The following QPRT variants were observed in gnomAD, a reference collection of about 807,000 sequenced individuals.
QPRT encodes nicotinate-nucleotide pyrophosphorylase [carboxylating].
QPRT carries 17 observed loss-of-function variants against 19.8 expected under a neutral mutation model. The observed-to-expected ratio is 0.86, with a 90% CI of 0.59 to 1.29. The LOEUF (loss-of-function observed/expected upper bound fraction) is 1.29. QPRT is among the 50% of genes most tolerant of loss of function. The pLI, the probability that QPRT is intolerant of heterozygous loss-of-function variation, is 0.00. For synonymous variants in QPRT, 178 were observed against 191.0 expected, an observed-to-expected ratio of 0.93 and a Z score of 0.56; for missense variants, 336 against 405.1, an observed-to-expected ratio of 0.83 and a Z score of 1.46.
intron 1 of QPRT, among the ~76,000 whole-genome samples, chr16:29,684,849 G>A (rs953768926): frequency 1.8e-4 from 27 of 152,338 alleles, no homozygotes; most frequent in African/African-American, 6.5e-4. Flanking sequence ...TGTGAAATGG[G>A]AAGAATCCCT....
In QPRT at chr16:29,695,122, G is replaced by A. The variant is rs772976077; in HGVS notation, c.472G>A (p.Ala158Thr). 5 of 1,592,140 alleles carry A rather than the reference G, an allele frequency of 3.1e-6. No individual in the cohort carries two copies. The highest frequency in any genetic ancestry group is 3.6e-5 in the Admixed American group (2 of 54,968). Residue 158 changes from alanine to threonine, a missense_variant, in exon 2 of 4, where the codon GCC becomes ACC. Ala to Thr is a moderately conservative substitution (Grantham distance 58). Transcript: ENST00000395384. ...GTATGGGCTCCTGGTGGGCGGGGCC[G>A]CCTCGCACCGCTACGACCTGGGAGG... ...EKYGLLVGGA[A>T]SHRYDLGGLV... is the part of the protein sequence containing the mutation.
chr16:29,683,068 A>T (rs148320072), intron 1 of QPRT, among the ~76,000 whole-genome samples: 48,967 of 147,378 alleles, frequency 0.33, 8,863 homozygotes, highest in Middle Eastern at 0.49. Context: ...TCTGTTGCCC[A>T]GGCTGGAGTG....
intron 1 of QPRT, among the ~76,000 whole-genome samples, chr16:29,693,747 C>T (rs769535272): frequency 6.6e-5 from 10 of 151,314 alleles, no homozygotes; most frequent in African/African-American, 9.7e-5. Context: ...CCACCACGCC[C>T]GGCTAATTTT....
chr16:29,696,963 G>C, intron 2 of QPRT, 33 bp from the exon 3 acceptor site: 1 of 1,570,440 alleles, frequency 6.4e-7, no homozygotes, highest in Non-Finnish European at 8.6e-7. Flanking sequence ...GCTGGGCCCA[G>C]TCCTCACCCT....
chr16:29,680,130 T>A (rs1966953627), intron 1 of QPRT, among the ~76,000 whole-genome samples: 1 of 151,972 alleles, frequency 6.6e-6, no homozygotes, highest in Non-Finnish European at 1.5e-5. Context: ...GCTAATTTTT[T>A]GTATTTTTAG....
chr16:29,679,498 G>A (rs569816845), intron 1 of QPRT, among the ~76,000 whole-genome samples: 14 of 152,236 alleles, frequency 9.2e-5, no homozygotes, highest in Admixed American at 3.3e-4. Flanking sequence ...GGCGTCTCCT[G>A]GGGGCAGTGG....
chr16:29,680,448 GC>G (rs1436022053), intron 1 of QPRT, among the ~76,000 whole-genome samples: 2 of 152,040 alleles, frequency 1.3e-5, no homozygotes. Flanking sequence ...CTCCTCAGAG[GC>G]CCCCTATGGT....
At chr16:29,688,859 C>T (rs1596791638) in intron 1 of QPRT, among the ~76,000 whole-genome samples, 1 of 151,378 alleles carries the variant, frequency 6.6e-6, no homozygotes, top group Non-Finnish European at 1.5e-5. Flanking sequence ...TGACTCACTG[C>T]AACCTCTGCC....
intron 1 of QPRT, among the ~76,000 whole-genome samples, chr16:29,686,243 T>C (rs368406591): frequency 2.4e-4 from 37 of 152,266 alleles, no homozygotes; most frequent in East Asian, 7.7e-4. Context: ...CTGTGGCCTC[T>C]CCTCCCACCA....
At chr16:29,689,103 C>CT (rs1013508939) in intron 1 of QPRT, among the ~76,000 whole-genome samples, 1 of 147,038 alleles carries the variant, frequency 6.8e-6, no homozygotes, top group African/African-American at 2.5e-5. Flanking sequence ...TTAAATTTAA[C>CT]TTTTTTTTTG....
At chr16:29,692,553 C>T (rs1487829801) in intron 1 of QPRT, among the ~76,000 whole-genome samples, 4 of 143,638 alleles carry the variant, frequency 2.8e-5, no homozygotes, top group Non-Finnish European at 4.5e-5. Context: ...TGCAACAGAA[C>T]GAGACTATCT....
intron 1 of QPRT, among the ~76,000 whole-genome samples, chr16:29,680,090 T>C (rs1966951724): frequency 1.3e-5 from 2 of 151,710 alleles, no homozygotes; most frequent in African/African-American, 4.8e-5. Context: ...CCCGAGTAGC[T>C]GGGACTACAG....
chr16:29,691,058 G>GA (rs906210798), intron 1 of QPRT, among the ~76,000 whole-genome samples: 11 of 146,220 alleles, frequency 7.5e-5, no homozygotes, highest in Non-Finnish European at 1.4e-4. Flanking sequence ...AAATCAGCCT[G>GA]AAAAAAAAAG....
intron 1 of QPRT, among the ~76,000 whole-genome samples, chr16:29,685,123 G>A: frequency 6.6e-6 from 1 of 152,194 alleles, no homozygotes; most frequent in Non-Finnish European, 1.5e-5. Flanking sequence ...CAGAGCTACT[G>A]TCAAAGTTCA....
chr16:29,687,859 G>T (rs1967207862), intron 1 of QPRT, among the ~76,000 whole-genome samples: 1 of 151,972 alleles, frequency 6.6e-6, no homozygotes, highest in South Asian at 2.1e-4. Flanking sequence ...ACCTTGGCAT[G>T]GTGGAGCAGC....
rs1967618909 is a variant in QPRT at position 29,698,436 on chromosome 16, T to C, written c.*1025T>C. The stretch of plus-strand genomic sequence containing the variant: ...AAAAAAAGTAACAATAATAATAATA[T>C]CAACCCCTGACCTAAACTACTTGTG... On this transcript the variant is annotated 3_prime_UTR_variant, in exon 4 of 4. Transcript: ENST00000395384. 1 of 152,190 alleles carries C rather than the reference T, an allele frequency of 6.6e-6. No individual in the cohort carries two copies. The highest frequency in any genetic ancestry group is 1.5e-5 in the Non-Finnish European group (1 of 68,014). The allele number at this position is 152,190 out of a possible 1,614,324, so 9.4% of individuals were successfully genotyped here. A position where few individuals can be genotyped will look rare whatever the true frequency, so the allele number is the denominator to read the frequency against.
Position 29,694,711 on chromosome 16 carries a change from A to C in QPRT, c.61A>C (p.Ser21Arg). Residue 21 changes from serine to arginine, a missense_variant, in exon 2 of 4, where the codon AGC becomes CGC. Coordinates refer to ENST00000395384, the MANE Select transcript of QPRT (RefSeq NM_014298.6). ...CGTCACCCTGGCAGCCCTGGTGGAC[A>C]GCTGGCTCCGAGAGGACTGCCCAGG... ...PPVTLAALVDSWLREDCPGLN... is the reference protein window; with the variant it reads ...PPVTLAALVDRWLREDCPGLN... 1 of 1,573,452 alleles carries C rather than the reference A, an allele frequency of 6.4e-7. No individual in the cohort carries two copies. Among genetic ancestry groups the C allele is most frequent in the Non-Finnish European group, 8.6e-7 (1 of 1,157,132 alleles).
intron 1 of QPRT, among the ~76,000 whole-genome samples, chr16:29,689,627 C>G (rs1296977874): frequency 6.6e-6 from 1 of 151,958 alleles, no homozygotes; most frequent in Non-Finnish European, 1.5e-5. Context: ...GGAACCAGAC[C>G]GGAAACCAAG....
At chr16:29,685,240 G>A (rs1476623365) in intron 1 of QPRT, among the ~76,000 whole-genome samples, 2 of 152,102 alleles carry the variant, frequency 1.3e-5, no homozygotes, top group African/African-American at 4.8e-5. Flanking sequence ...GAAGGCCGAG[G>A]CAGGTGGATC....
Sources: gnomAD v4.1 joint callset for allele counts (sites outside exome capture counted in the v4.1 genomes callset) on GRCh38, gnomAD v4.1.1 for gene constraint, MANE v1.5 for transcripts, NCBI Gene and HGNC (gene_info 2026-07-23, HGNC 2026-07-21) for gene names.